CHRM3: variants seen among roughly 807,000 people sequenced by gnomAD.
CHRM3 encodes muscarinic acetylcholine receptor M3.
CHRM3 carries 11 observed loss-of-function variants against 41.8 expected under a neutral mutation model. The observed-to-expected ratio is 0.26, with a 90% CI of 0.17 to 0.44. CHRM3 has a LOEUF of 0.44. Among genes scored for constraint, CHRM3 ranks in the 20% least tolerant of loss-of-function variants. The pLI, the probability that CHRM3 is intolerant of heterozygous loss-of-function variation, is 1.00. For missense variants in CHRM3, 571 were observed against 745.4 expected (o/e 0.77, Z 2.72); for synonymous variants, 297 against 301.4 (o/e 0.99, Z 0.15).
intron 1 of CHRM3, among the ~76,000 whole-genome samples, chr1:239,416,891 A>G (rs1661544078): frequency 6.6e-6 from 1 of 152,224 alleles, no homozygotes; most frequent in South Asian, 2.1e-4. Flanking sequence ...TGAGGATGGA[A>G]GTGGGAAAAA....
chr1:239,720,299 T>C (rs543919607), intron 5 of CHRM3: 1 of 152,130 alleles, frequency 6.6e-6, no homozygotes, highest in African/African-American at 2.4e-5. Context: ...CAAAAAACTT[T>C]GCCCTAGTTT....
intron 1 of CHRM3, among the ~76,000 whole-genome samples, chr1:239,418,333 T>TTG (rs145265251): frequency 0.14 from 20,355 of 150,458 alleles, 1,580 homozygotes; most frequent in African/African-American, 0.22. Flanking sequence ...AGATGTTGCT[T>TTG]TGTGTGTGTG....
intron 5 of CHRM3, among the ~76,000 whole-genome samples, chr1:239,820,965 T>G (rs1260996961): frequency 6.6e-6 from 1 of 152,152 alleles, no homozygotes; most frequent in Non-Finnish European, 1.5e-5. Context: ...TGAAATTTCT[T>G]TTTCTTCTCT....
At chr1:239,779,258 G>A (rs1356112616) in intron 5 of CHRM3, among the ~76,000 whole-genome samples, 2 of 152,082 alleles carry the variant, frequency 1.3e-5, no homozygotes, top group African/African-American at 4.8e-5. Flanking sequence ...AGCCTCCCCT[G>A]TTTTCAGCAT....
intron 3 of CHRM3, among the ~76,000 whole-genome samples, chr1:239,556,881 C>T (rs1208118289): frequency 6.6e-6 from 1 of 152,096 alleles, no homozygotes; most frequent in Non-Finnish European, 1.5e-5. Context: ...AAAGCAAATG[C>T]GTGTTCGTTA....
chr1:239,583,069 C>G (rs948073685), intron 3 of CHRM3, among the ~76,000 whole-genome samples: 16 of 152,162 alleles, frequency 1.1e-4, no homozygotes, highest in African/African-American at 3.9e-4. Flanking sequence ...ATCAGTGGAG[C>G]TTTCCTCACC....
chr1:239,909,248 G>A lies in CHRM3; in HGVS notation c.*24G>A, dbSNP rs979033085. On this transcript the variant is annotated 3_prime_UTR_variant, in exon 7 of 7. Transcript: ENST00000676153. ...AGAATGAGGTTGTATCAATAGCAGT[G>A]ACAAAACGCACACATCAACCCACAG... The A allele has an allele frequency of 2.5e-6, 4 of 1,573,754 alleles. No homozygotes were observed. Among genetic ancestry groups the A allele is most frequent in the Non-Finnish European group, 3.4e-6 (4 of 1,161,092 alleles).
intron 6 of CHRM3, among the ~76,000 whole-genome samples, chr1:239,879,726 G>A (rs1343288386): frequency 6.6e-6 from 1 of 152,144 alleles, no homozygotes; most frequent in Non-Finnish European, 1.5e-5. Context: ...TGTCTCTCCA[G>A]TCCCCTTAGA....
At chr1:239,666,991 G>A (rs982598862) in intron 4 of CHRM3, among the ~76,000 whole-genome samples, 2 of 152,090 alleles carry the variant, frequency 1.3e-5, no homozygotes, top group African/African-American at 2.4e-5. Flanking sequence ...TGCAGCAAAC[G>A]ACACGATTTG....
chr1:239,525,252 T>G (rs916152151), intron 2 of CHRM3, among the ~76,000 whole-genome samples: 1 of 152,156 alleles, frequency 6.6e-6, no homozygotes, highest in Admixed American at 6.5e-5. Context: ...GTGGGTGAAC[T>G]GCTGGAGTCT....
chr1:239,721,276 A>T (rs1322507348), intron 5 of CHRM3, among the ~76,000 whole-genome samples: 1 of 151,896 alleles, frequency 6.6e-6, no homozygotes, highest in Admixed American at 6.6e-5. Flanking sequence ...TCAGGGAAAG[A>T]GGTGAAAGAA....
At chr1:239,736,333 A>G (rs571807643) in intron 5 of CHRM3, among the ~76,000 whole-genome samples, 1 of 152,226 alleles carries the variant, frequency 6.6e-6, no homozygotes, top group African/African-American at 2.4e-5. Flanking sequence ...GAGGACAAAT[A>G]GTTTGTTATT....
chr1:239,682,511 T>C (rs879788072), intron 5 of CHRM3, among the ~76,000 whole-genome samples: 2 of 152,174 alleles, frequency 1.3e-5, no homozygotes, highest in Non-Finnish European at 2.9e-5. Flanking sequence ...AAATTAATAG[T>C]ATCTGAAATT....
At chr1:239,808,884 T>A (rs1306688455) in intron 5 of CHRM3, among the ~76,000 whole-genome samples, 1 of 152,188 alleles carries the variant, frequency 6.6e-6, no homozygotes, top group East Asian at 1.9e-4. Flanking sequence ...ATACTGCTTT[T>A]TCCTACTTGT....
intron 3 of CHRM3, among the ~76,000 whole-genome samples, chr1:239,595,773 G>A (rs1253099720): frequency 4.6e-5 from 7 of 152,142 alleles, no homozygotes; most frequent in Admixed American, 4.6e-4. Context: ...AATTTGGATT[G>A]TATACCAGGG....
chr1:239,545,623 C>A lies in CHRM3; in HGVS notation c.-421-18C>A, dbSNP rs1659216245. On this transcript the variant is annotated intron_variant, in intron 2 of 6. Transcript: ENST00000676153. The stretch of plus-strand genomic sequence containing the variant: ...CATCCTTACTGACCGATTTTTTCAT[C>A]TTTTTGTGTCTGTTTAGATATGAAC... The A allele has an allele frequency of 6.6e-6, 1 of 151,966 alleles. No homozygotes were observed. Among genetic ancestry groups the A allele is most frequent in the Non-Finnish European group, 1.5e-5 (1 of 67,990 alleles). 9.4% of individuals were successfully genotyped at this position (151,966 alleles called of 1,614,324 possible). A position where few individuals can be genotyped will look rare whatever the true frequency, so the allele number is the denominator to read the frequency against.
At chr1:239,446,466 G>A (rs570610295) in intron 1 of CHRM3, among the ~76,000 whole-genome samples, 7 of 152,286 alleles carry the variant, frequency 4.6e-5, no homozygotes, top group African/African-American at 1.7e-4. Flanking sequence ...AGTGATCAAT[G>A]TATGTGATCA....
At chr1:239,766,118 ATGAG>A (rs767859918) in intron 5 of CHRM3, among the ~76,000 whole-genome samples, 67 of 152,204 alleles carry the variant, frequency 4.4e-4, no homozygotes, top group Non-Finnish European at 8.2e-4. Flanking sequence ...CCGGCCATGC[ATGAG>A]TATTTTCTTA....
Position 239,645,064 on chromosome 1 carries a change from T to C in CHRM3, c.-250+12778T>C, listed in dbSNP as rs192271403. Among the ~76,000 whole-genome samples, 230 of 152,326 alleles carry C rather than the reference T, an allele frequency of 1.5e-3. 1 individual carries two copies. Among genetic ancestry groups the C allele is most frequent in the African/African-American group, 5.3e-3 (220 of 41,580 alleles). On this transcript the variant is annotated intron_variant, in intron 4 of 6. Transcript: ENST00000676153. ...CTTGTCTGTGATGGGCAGAGCAGTC[T>C]ATGGCTGGGCACTGAACTTGATATC...
Sources: allele counts gnomAD v4.1 joint callset (sites outside exome capture counted in the v4.1 genomes callset), GRCh38; gene constraint gnomAD v4.1.1; transcripts MANE v1.5; gene names NCBI Gene and HGNC (gene_info 2026-07-23, HGNC 2026-07-21).